PCDH15: variants seen among roughly 807,000 people sequenced by gnomAD.
PCDH15 encodes the protein protocadherin related 15.
Under a neutral mutation model 178.5 loss-of-function variants are expected in PCDH15, and 129 were observed. The observed-to-expected ratio is 0.72, with a 90% CI of 0.63 to 0.84. The LOEUF (loss-of-function observed/expected upper bound fraction) is 0.84. Among genes scored for constraint, PCDH15 ranks in the 40% least tolerant of loss-of-function variants. PCDH15 has a pLI of 0.00. For missense variants in PCDH15, 2,230 were observed against 2,099.9 expected (o/e 1.06, Z -1.21); for synonymous variants, 800 against 732.0 (o/e 1.09, Z -1.50).
At chr10:54,646,413 A>G (rs979985644) in intron 2 of PCDH15, among the ~76,000 whole-genome samples, 3 of 152,146 alleles carry the variant, frequency 2.0e-5, no homozygotes, top group African/African-American at 7.2e-5. Flanking sequence ...CTGTATTTTT[A>G]TCCCCAGAAC....
At chr10:54,181,997 C>A (rs573915408) in intron 13 of PCDH15, among the ~76,000 whole-genome samples, 11 of 152,138 alleles carry the variant, frequency 7.2e-5, no homozygotes, top group African/African-American at 2.7e-4. Context: ...CTCTCTCTGT[C>A]CCCAGGCTGG....
At chr10:55,378,316 C>T (rs1837448005) in intron 2 of PCDH15, among the ~76,000 whole-genome samples, 1 of 152,028 alleles carries the variant, frequency 6.6e-6, no homozygotes, top group Admixed American at 6.6e-5. Flanking sequence ...GGGACATACA[C>T]ATTAGCAATT....
intron 9 of PCDH15, among the ~76,000 whole-genome samples, chr10:54,218,615 A>C (rs2052377526): frequency 6.6e-6 from 1 of 152,126 alleles, no homozygotes; most frequent in South Asian, 2.1e-4. Context: ...TCAAATACCA[A>C]CCATGAAAGC....
intron 3 of PCDH15, among the ~76,000 whole-genome samples, chr10:54,441,987 A>G (rs1260522021): frequency 6.6e-6 from 1 of 151,846 alleles, no homozygotes; most frequent in Non-Finnish European, 1.5e-5. Flanking sequence ...AACATATTTT[A>G]TAATGAATCC....
intron 2 of PCDH15, among the ~76,000 whole-genome samples, chr10:54,622,290 G>A (rs1288066077): frequency 6.6e-6 from 1 of 151,446 alleles, no homozygotes; most frequent in South Asian, 2.1e-4. Flanking sequence ...AGGGGAAGCC[G>A]TGAGATATCA....
chr10:54,365,592 A>T (rs942262867), intron 5 of PCDH15, among the ~76,000 whole-genome samples: 4 of 152,134 alleles, frequency 2.6e-5, no homozygotes, highest in Non-Finnish European at 5.9e-5. Flanking sequence ...GTTTACTTAC[A>T]TCAAAATAAA....
At chr10:55,266,666 C>T (rs964181972) in intron 1 of PCDH15, among the ~76,000 whole-genome samples, 11 of 152,130 alleles carry the variant, frequency 7.2e-5, no homozygotes, top group African/African-American at 2.4e-4. Flanking sequence ...AGGAAGAACA[C>T]GCGAGTGGTT....
At chr10:54,321,843 G>A (rs939351115) in intron 7 of PCDH15, among the ~76,000 whole-genome samples, 1 of 151,998 alleles carries the variant, frequency 6.6e-6, no homozygotes, top group Admixed American at 6.6e-5. Flanking sequence ...CTGGCAAAAT[G>A]ATTGTGAGCA....
intron 1 of PCDH15, among the ~76,000 whole-genome samples, chr10:55,242,845 A>AAAAC (rs755202098): frequency 0.012 from 1,877 of 152,252 alleles, 47 homozygotes; most frequent in African/African-American, 0.042. Context: ...GTCTCAAAAC[A>AAAAC]AAACAAACAA....
intron 2 of PCDH15, among the ~76,000 whole-genome samples, chr10:54,542,952 T>G (rs949440310): frequency 6.6e-6 from 1 of 152,084 alleles, no homozygotes; most frequent in South Asian, 2.1e-4. Context: ...GAGGAACACA[T>G]TGGCAGAAGA....
chr10:54,236,839 G>C lies in PCDH15; in HGVS notation c.969C>G (p.Leu323=). The C allele has an allele frequency of 6.2e-7, 1 of 1,612,438 alleles. No homozygotes were observed. Among genetic ancestry groups the C allele is most frequent in the Non-Finnish European group, 8.5e-7 (1 of 1,178,546 alleles). The change falls in exon 9 of 38, where the codon CTC becomes CTG. Residue 323 remains leucine, a synonymous_variant. Coordinates refer to ENST00000644397, the MANE Select transcript of PCDH15 (RefSeq NM_001384140.1). ...GATACAAACCAACAAGGATGGAATA[G>C]AGGATTCCTGGCCTATCTGATGGCG... ...IQPPSDRPGI[L]YSILVGTPED...
intron 3 of PCDH15, among the ~76,000 whole-genome samples, chr10:54,889,975 A>G (rs1954431054): frequency 6.6e-6 from 1 of 151,990 alleles, no homozygotes; most frequent in Non-Finnish European, 1.5e-5. Context: ...GTACCTTTTT[A>G]TTTATTAAAT....
At chr10:53,846,882 A>C (rs2078011734) in intron 28 of PCDH15, among the ~76,000 whole-genome samples, 1 of 152,012 alleles carries the variant, frequency 6.6e-6, no homozygotes, top group Non-Finnish European at 1.5e-5. Context: ...AGTTGAGTTA[A>C]AATTACCATG....
intron 2 of PCDH15, among the ~76,000 whole-genome samples, chr10:55,607,685 G>A (rs1478545571): frequency 1.1e-4 from 16 of 145,284 alleles, no homozygotes; most frequent in Non-Finnish European, 2.1e-4. Context: ...ACTCATAGGT[G>A]GGAATTGAAC....
intron 2 of PCDH15, among the ~76,000 whole-genome samples, chr10:55,550,632 G>T (rs1227178839): frequency 3.3e-5 from 5 of 151,976 alleles, no homozygotes; most frequent in South Asian, 2.1e-4. Flanking sequence ...AAAATATTTT[G>T]CTCTATTATT....
At chr10:54,140,473 T>C (rs1324449761) in intron 14 of PCDH15, among the ~76,000 whole-genome samples, 1 of 136,276 alleles carries the variant, frequency 7.3e-6, no homozygotes, top group Non-Finnish European at 1.6e-5. Flanking sequence ...TTATTTCTGC[T>C]TTTTTTTTTT....
chr10:54,602,992 T>G (rs1444349085), intron 2 of PCDH15, among the ~76,000 whole-genome samples: 1 of 151,998 alleles, frequency 6.6e-6, no homozygotes, highest in African/African-American at 2.4e-5. Flanking sequence ...TTGTAAGTGT[T>G]CCATCATCTA....
In PCDH15 at chr10:54,877,936, C is replaced by CTTT. The variant is rs1954176789; in HGVS notation, c.-29+19513_-29+19514insAAA. Among the ~76,000 whole-genome samples, 64 of 104,306 alleles carry CTTT rather than the reference C, an allele frequency of 6.1e-4. 1 individual carries two copies. The highest frequency in any genetic ancestry group is 8.8e-4 in the Non-Finnish European group (44 of 50,032). 68.4% of individuals were successfully genotyped at this position (104,306 alleles called of 152,430 possible). On this transcript the variant is annotated intron_variant, in intron 3 of 5. Coordinates refer to the PCDH15 transcript ENST00000458638. ...TCTCTTATTCTCTTTCTCTCTCTCT[C>CTTT]TCTTTTTTTTTTTTTTTTTTTTTTT...
intron 21 of PCDH15, among the ~76,000 whole-genome samples, chr10:53,964,864 G>T (rs1001128000): frequency 5.9e-5 from 9 of 152,024 alleles, no homozygotes; most frequent in African/African-American, 1.9e-4. Flanking sequence ...AAGAGTGGGG[G>T]TTTAGCAGAA....
Sources: gnomAD v4.1 joint callset for allele counts (sites outside exome capture counted in the v4.1 genomes callset) on GRCh38, gnomAD v4.1.1 for gene constraint, MANE v1.5 for transcripts, NCBI Gene and HGNC (gene_info 2026-07-23, HGNC 2026-07-21) for gene names.